TAS2R1: variants seen among roughly 807,000 people sequenced by gnomAD.
The protein encoded by TAS2R1 is taste receptor type 2 member 1.
For missense variants in TAS2R1, 370 were observed against 353.4 expected, an observed-to-expected ratio of 1.05 and a Z score of -0.38; for synonymous variants, 141 against 134.2, an observed-to-expected ratio of 1.05 and a Z score of -0.35.
chr5:9,732,228 G>A, the TAS2R1 span, among the ~76,000 whole-genome samples: 1 of 152,178 alleles, frequency 6.6e-6, no homozygotes, highest in South Asian at 2.1e-4. Context: ...CCTGAAGCAA[G>A]GACGAGGGCA....
At chr5:9,783,929 C>A in the TAS2R1 span, among the ~76,000 whole-genome samples, 1 of 152,152 alleles carries the variant, frequency 6.6e-6, no homozygotes, top group African/African-American at 2.4e-5. Flanking sequence ...TCCAGAGCTG[C>A]GCTACCTGGA....
At chr5:9,840,678 T>C in the TAS2R1 span, among the ~76,000 whole-genome samples, 3 of 152,110 alleles carry the variant, frequency 2.0e-5, no homozygotes, top group East Asian at 5.8e-4. Context: ...TTGCTCTTCA[T>C]TTCTTACTGT....
chr5:9,794,726 G>T, the TAS2R1 span, among the ~76,000 whole-genome samples: 2 of 151,972 alleles, frequency 1.3e-5, no homozygotes, highest in Non-Finnish European at 2.9e-5. Flanking sequence ...ATTCAGAAAG[G>T]GGTCACATTT....
the TAS2R1 span, among the ~76,000 whole-genome samples, chr5:9,726,439 G>A: frequency 2.6e-5 from 4 of 152,130 alleles, no homozygotes; most frequent in Non-Finnish European, 4.4e-5. Context: ...AGCCAGCAGT[G>A]GCAACCCGCT....
chr5:9,894,208 G>C, the TAS2R1 span, among the ~76,000 whole-genome samples: 14 of 152,064 alleles, frequency 9.2e-5, no homozygotes, highest in Admixed American at 2.6e-4. Flanking sequence ...TTTGAGACCA[G>C]CCTGGCCAAC....
rs1274701931 is a variant in TAS2R1 at position 9,628,374 on chromosome 5, G to A, written c.*759C>T. On this transcript the variant is annotated 3_prime_UTR_variant, in exon 1 of 1. Coordinates refer to ENST00000382492, the MANE Select transcript of TAS2R1 (RefSeq NM_019599.3). ...AATACAAAATAAAACATCTTTGCAA[G>A]TTATTGTCTGTTCAGAGTGCACAGC... is the stretch of plus-strand genomic sequence containing the variant. 6.6e-6 allele frequency among the ~76,000 whole-genome samples: 1 copy of A among 152,152 alleles called. No individual in the cohort carries two copies. The highest frequency in any genetic ancestry group is 2.4e-5 in the African/African-American group (1 of 41,434).
the TAS2R1 span, among the ~76,000 whole-genome samples, chr5:9,837,526 T>C: frequency 1.3e-5 from 2 of 152,242 alleles, no homozygotes; most frequent in African/African-American, 4.8e-5. Flanking sequence ...TGAATTTGCC[T>C]CTGCTGGTCA....
chr5:9,767,656 G>A, the TAS2R1 span, among the ~76,000 whole-genome samples: 14 of 152,076 alleles, frequency 9.2e-5, no homozygotes, highest in Admixed American at 6.5e-5. Context: ...CAGGTGGGGC[G>A]TGGTGTCTCA....
chr5:9,781,252 A>C, the TAS2R1 span, among the ~76,000 whole-genome samples: 1 of 152,160 alleles, frequency 6.6e-6, no homozygotes, highest in Admixed American at 6.5e-5. Context: ...TTTGGTGGCA[A>C]CTTGATCCTT....
the TAS2R1 span, among the ~76,000 whole-genome samples, chr5:9,872,459 T>A: frequency 6.6e-6 from 1 of 152,206 alleles, no homozygotes; most frequent in African/African-American, 2.4e-5. Flanking sequence ...AATTCAAAAA[T>A]CAAACTATTT....
At chr5:9,674,123 A>C (rs1024376906) in intron 1 of TAS2R1, among the ~76,000 whole-genome samples, 10 of 152,210 alleles carry the variant, frequency 6.6e-5, no homozygotes, top group African/African-American at 2.2e-4. Context: ...TGATACAGAG[A>C]TTGAACATAG....
intron 1 of TAS2R1, among the ~76,000 whole-genome samples, chr5:9,695,985 G>A (rs1179626345): frequency 5.3e-5 from 8 of 152,192 alleles, no homozygotes; most frequent in Non-Finnish European, 1.0e-4. Context: ...ATTCAAGTGT[G>A]CTACTGGCTG....
At chr5:9,823,803 G>C in the TAS2R1 span, among the ~76,000 whole-genome samples, 1 of 152,180 alleles carries the variant, frequency 6.6e-6, no homozygotes, top group Non-Finnish European at 1.5e-5. Flanking sequence ...AACTGAAAAT[G>C]CATGCTCACT....
At chr5:9,785,875 C>T in the TAS2R1 span, among the ~76,000 whole-genome samples, 1 of 152,200 alleles carries the variant, frequency 6.6e-6, no homozygotes, top group Non-Finnish European at 1.5e-5. Flanking sequence ...ATCTCATATG[C>T]TAGACTTGGC....
the TAS2R1 span, among the ~76,000 whole-genome samples, chr5:9,896,537 G>A: frequency 5.7e-4 from 87 of 152,166 alleles, no homozygotes; most frequent in African/African-American, 1.5e-3. Context: ...CCAAACCGCC[G>A]ACCCAAATTC....
the TAS2R1 span, among the ~76,000 whole-genome samples, chr5:9,840,857 ATTTTTTTTTTTTTTTTTTTTTTT>A: frequency 3.0e-5 from 4 of 132,102 alleles, no homozygotes. Context: ...TTATTTATTT[ATTTTTTTTTTTTTTTTTTTTTTT>A]TTTTTTTTTT....
At chr5:9,851,466 A>G in the TAS2R1 span, among the ~76,000 whole-genome samples, 1 of 151,542 alleles carries the variant, frequency 6.6e-6, no homozygotes, top group African/African-American at 2.4e-5. Flanking sequence ...TAAGAACTGC[A>G]TTGATCCACT....
At chr5:9,803,737 AAGG>A in the TAS2R1 span, among the ~76,000 whole-genome samples, 1 of 152,212 alleles carries the variant, frequency 6.6e-6, no homozygotes, top group African/African-American at 2.4e-5. Flanking sequence ...GAATTGCTAC[AAGG>A]AGCTCTAAAT....
intron 2 of TAS2R1, among the ~76,000 whole-genome samples, chr5:9,645,104 T>C (rs1291915682): frequency 6.6e-6 from 1 of 152,182 alleles, no homozygotes. Context: ...ATTTGTTGGA[T>C]GGAAAGAATT....
Sources: allele counts gnomAD v4.1 joint callset (sites outside exome capture counted in the v4.1 genomes callset), GRCh38; gene constraint gnomAD v4.1.1; transcripts MANE v1.5; gene names NCBI Gene and HGNC (gene_info 2026-07-23, HGNC 2026-07-21).